Variants in ATXN2 observed in about 807,000 individuals in gnomAD.
ATXN2 encodes ataxin-2.
Under a neutral mutation model 138.6 loss-of-function variants are expected in ATXN2, and 37 were observed. That is an observed-to-expected ratio of 0.27 (90% CI 0.21 to 0.35). The LOEUF is 0.35. Ranked by LOEUF, ATXN2 falls within the 10% of genes least tolerant of loss-of-function variation. ATXN2 has a pLI of 1.00. For synonymous variants in ATXN2, 549 were observed against 543.7 expected (o/e 1.01, Z -0.13); for missense variants, 1,216 against 1,480.3 (o/e 0.82, Z 2.93).
Position 111,509,573 on chromosome 12 carries a change from TA to T in ATXN2, c.1910del (p.Leu637Ter). The part of the protein sequence containing the change: ...VSEHRKQIDD[L>X]KKFKNDFRLQ... ...CCCTAAAATCATTCTTAAATTTCTT[TA>T]AATCATCAATCTGTTTTCTATGTTC... On this transcript the variant is annotated frameshift_variant, in exon 14 of 25. Transcript: ENST00000673436. LOFTEE classifies it high-confidence loss of function. 6.7e-7 allele frequency: 1 copy of T among 1,485,586 alleles called. No homozygotes were observed. The highest frequency in any genetic ancestry group is 9.3e-7 in the Non-Finnish European group (1 of 1,079,234). 92.0% of individuals were successfully genotyped at this position (1,485,586 alleles called of 1,614,324 possible). A position where few individuals can be genotyped will look rare whatever the true frequency, so the allele number is the denominator to read the frequency against.
chr12:111,598,999 CTGCTGCTGCTGCTGCTGCTGG>C lies in ATXN2; in HGVS notation c.15_35del (p.Gln22_Gln28del), dbSNP rs1885111312. On this transcript the variant is annotated inframe_deletion, in exon 1 of 25. Coordinates refer to ENST00000673436, the MANE Select transcript of ATXN2 (RefSeq NM_001372574.1). This position sits in a 1 kb window ranked among gnomAD's most constrained non-coding sequence, Gnocchi z 4.5. ...GCTGTTGCTGCTGCTGCTGCTGCTG[CTGCTGCTGCTGCTGCTGCTGG>C]GGCTTCAGCGACATGGTGAGGGGCC... 2.7e-6 allele frequency: 4 copies of C among 1,492,892 alleles called. No homozygotes were observed. Among genetic ancestry groups the C allele is most frequent in the Non-Finnish European group, 3.6e-6 (4 of 1,122,188 alleles). The allele number at this position is 1,492,892 out of a possible 1,614,324, so 92.5% of individuals were successfully genotyped here.
At chr12:111,571,184 T>G (rs1019967680) in intron 1 of ATXN2, among the ~76,000 whole-genome samples, 2 of 152,210 alleles carry the variant, frequency 1.3e-5, no homozygotes, top group Non-Finnish European at 2.9e-5. Flanking sequence ...TCCCTGCTCC[T>G]GTGTACAACA....
rs1310456614 is a variant in ATXN2 at position 111,453,533 on chromosome 12, C to T, written c.3439+144G>A. 7.2e-7 allele frequency: 1 copy of T among 1,396,690 alleles called. No individual in the cohort carries two copies. The highest frequency in any genetic ancestry group is 1.7e-5 in the South Asian group (1 of 60,310). 86.5% of individuals were successfully genotyped at this position (1,396,690 alleles called of 1,614,324 possible). A position where few individuals can be genotyped will look rare whatever the true frequency, so the allele number is the denominator to read the frequency against. ...CAGGCCCTGATGCTGAACTGATCGT[C>T]ACAGTCCCTCCTGTGCACACTCCTG... On this transcript the variant is annotated intron_variant, in intron 24 of 24. Transcript: ENST00000673436. The surrounding 1 kb of genome is among the most constrained non-coding windows in gnomAD (Gnocchi z 5.4).
intron 1 of ATXN2, among the ~76,000 whole-genome samples, chr12:111,578,645 C>G (rs1748112356): frequency 6.6e-6 from 1 of 152,088 alleles, no homozygotes; most frequent in Admixed American, 6.6e-5. Flanking sequence ...CATCATTAAG[C>G]AATGCATAAA....
At chr12:111,531,043 G>A (rs1318235911) in intron 5 of ATXN2, among the ~76,000 whole-genome samples, 1 of 150,202 alleles carries the variant, frequency 6.7e-6, no homozygotes, top group Non-Finnish European at 1.5e-5. Flanking sequence ...ACTTGAACCT[G>A]GGAGGCAGAG....
At chr12:111,511,992 T>TA (rs1305911218) in intron 11 of ATXN2, 1 of 152,108 alleles carries the variant, frequency 6.6e-6, no homozygotes, top group Non-Finnish European at 1.5e-5. Flanking sequence ...TTTTTTGAGA[T>TA]AGAGTTTCGC....
intron 14 of ATXN2, among the ~76,000 whole-genome samples, chr12:111,499,463 G>A (rs1358868234): frequency 1.3e-5 from 2 of 152,164 alleles, no homozygotes; most frequent in Admixed American, 6.5e-5. Flanking sequence ...TAGCACTTTG[G>A]GAGGCTGAGG....
At chr12:111,583,766 C>CAAAAAAAAAAAAAAAAA (rs748838859) in intron 1 of ATXN2, among the ~76,000 whole-genome samples, 1 of 58,122 alleles carries the variant, frequency 1.7e-5, no homozygotes, top group African/African-American at 7.0e-5. Flanking sequence ...GACTCCGACT[C>CAAAAAAAAAAAAAAAAA]AAAAAAAAAA....
chr12:111,512,935 T>C (rs1879627471), intron 11 of ATXN2: 1 of 165,852 alleles, frequency 6.0e-6, no homozygotes, highest in Non-Finnish European at 1.3e-5. Flanking sequence ...GTTTATAGAA[T>C]GTACTGATAA....
chr12:111,485,930 G>A, intron 16 of ATXN2, 65 bp from the exon 17 acceptor site: 1 of 1,497,540 alleles, frequency 6.7e-7, no homozygotes, highest in Non-Finnish European at 9.1e-7. Context: ...GCAATTTAAA[G>A]ACGGATTTTC....
intron 14 of ATXN2, 93 bp from the exon 15 acceptor site, chr12:111,488,873 G>A (rs1015125622): frequency 1.5e-4 from 158 of 1,065,188 alleles, no homozygotes; most frequent in Non-Finnish European, 1.9e-4. Context: ...TTAACTATAC[G>A]CATGAAATGT....
At chr12:111,589,540 G>C (rs1354270300) in intron 1 of ATXN2, among the ~76,000 whole-genome samples, 3 of 151,680 alleles carry the variant, frequency 2.0e-5, no homozygotes, top group Non-Finnish European at 4.4e-5. Context: ...AGGAGGCCAA[G>C]GTATATGGAT....
In ATXN2 at chr12:111,598,709, CGGGGACGGCGGCGCGGGCCGCGGGGGA is replaced by C. The variant is rs1239322284; in HGVS notation, c.251+48_251+74del. The C allele has an allele frequency of 2.6e-6, 2 of 762,194 alleles. No individual in the cohort carries two copies. Among genetic ancestry groups the C allele is most frequent in the Non-Finnish European group, 3.3e-6 (2 of 608,174 alleles). 47.2% of individuals were successfully genotyped at this position (762,194 alleles called of 1,614,324 possible). ...CCGGGTAGCCCGGCGGGTCACGGGGCGGGGACGGCGGCGCGGGCCGCGGGGGAGGGGACGCCGGGCCCGGAGCGGAGG... is the reference window on the plus strand; with the variant it reads ...CCGGGTAGCCCGGCGGGTCACGGGGCGGGGACGCCGGGCCCGGAGCGGAGG... On this transcript the variant is annotated intron_variant, in intron 1 of 24. Coordinates refer to ENST00000673436, the MANE Select transcript of ATXN2 (RefSeq NM_001372574.1). The surrounding 1 kb of genome is among the most constrained non-coding windows in gnomAD (Gnocchi z 4.5).
chr12:111,483,188 A>AACACACACACAC (rs746562037), intron 18 of ATXN2, among the ~76,000 whole-genome samples: 1 of 118,946 alleles, frequency 8.4e-6, no homozygotes, highest in Non-Finnish European at 1.7e-5. Flanking sequence ...CCCTGTATCA[A>AACACACACACAC]ACACATACAC....
chr12:111,565,441 CAAT>C lies in ATXN2; in HGVS notation c.252-9525_252-9523del, dbSNP rs1436398970. Among the ~76,000 whole-genome samples the C allele has an allele frequency of 4.6e-5, 7 of 152,016 alleles. No homozygotes were observed. The South Asian group carries it at 6.2e-4, about 14-fold the overall frequency. On this transcript the variant is annotated intron_variant, in intron 1 of 24. Transcript: ENST00000673436. ...TAATCTGTAATCAGATTGTATTTTA[CAAT>C]AATTGTAAATAATAAAGAAAAGATT...
At chr12:111,539,891 A>G (rs1881405603) in intron 5 of ATXN2, among the ~76,000 whole-genome samples, 1 of 150,612 alleles carries the variant, frequency 6.6e-6, no homozygotes, top group South Asian at 2.1e-4. Flanking sequence ...TTAGTGAAGA[A>G]TAGTAGTCAT....
chr12:111,499,734 A>G (rs1423896423), intron 14 of ATXN2, among the ~76,000 whole-genome samples: 1 of 151,894 alleles, frequency 6.6e-6, no homozygotes, highest in Non-Finnish European at 1.5e-5. Flanking sequence ...GTGGCTCACA[A>G]CTATAATTTC....
intron 1 of ATXN2, among the ~76,000 whole-genome samples, chr12:111,559,167 T>TGGA (rs1882541462): frequency 6.6e-6 from 1 of 150,608 alleles, no homozygotes; most frequent in African/African-American, 2.4e-5. Flanking sequence ...AGAGTCTCAC[T>TGGA]CTGTCGCCAG....
intron 5 of ATXN2, among the ~76,000 whole-genome samples, chr12:111,551,702 C>G (rs1161609098): frequency 1.3e-5 from 2 of 152,126 alleles, no homozygotes; most frequent in African/African-American, 4.8e-5. Flanking sequence ...TAATCAGTAG[C>G]ATTCTTGACC....
Sources: allele counts gnomAD v4.1 joint callset (sites outside exome capture counted in the v4.1 genomes callset), GRCh38; gene constraint gnomAD v4.1.1; non-coding constraint Gnocchi (gnomAD v3.1); transcripts MANE v1.5; gene names NCBI Gene and HGNC (gene_info 2026-07-23, HGNC 2026-07-21).